CSMD1: variants seen among roughly 807,000 people sequenced by gnomAD.
CSMD1 encodes CUB and sushi domain-containing protein 1.
A neutral mutation model predicts 417.5 loss-of-function variants in CSMD1; 213 were observed. That is an observed-to-expected ratio of 0.51 (90% CI 0.46 to 0.57). The LOEUF is 0.57. CSMD1 is among the 20% of genes least tolerant of loss of function. The pLI is 0.00. For missense variants in CSMD1, 6,923 were observed against 4,529.7 expected, an observed-to-expected ratio of 1.53 and a Z score of -15.17; for synonymous variants, 2,862 against 1,736.8, an observed-to-expected ratio of 1.65 and a Z score of -16.11.
chr8:3,397,623 G>C (rs1423550650), intron 16 of CSMD1, among the ~76,000 whole-genome samples: 1 of 152,174 alleles, frequency 6.6e-6, no homozygotes, highest in African/African-American at 2.4e-5. Context: ...TCTTAAAACT[G>C]ATTTCTCAGT....
chr8:4,109,947 G>A (rs1207347406), intron 3 of CSMD1, among the ~76,000 whole-genome samples: 2 of 152,092 alleles, frequency 1.3e-5, no homozygotes, highest in African/African-American at 2.4e-5. Context: ...TGACAATTTG[G>A]TGAATAATAC....
intron 3 of CSMD1, among the ~76,000 whole-genome samples, chr8:4,084,610 G>C (rs118183405): frequency 6.6e-6 from 1 of 152,094 alleles, no homozygotes; most frequent in Non-Finnish European, 1.5e-5. Context: ...AAATGAAAGC[G>C]AGCCTTCCAG....
At chr8:3,525,821 G>T (rs1464047154) in intron 10 of CSMD1, among the ~76,000 whole-genome samples, 1 of 151,908 alleles carries the variant, frequency 6.6e-6, no homozygotes, top group Non-Finnish European at 1.5e-5. Flanking sequence ...GTTGACACAC[G>T]GAAAAAATCA....
At chr8:4,306,858 AAT>A (rs1447275523) in intron 3 of CSMD1, among the ~76,000 whole-genome samples, 5 of 151,230 alleles carry the variant, frequency 3.3e-5, no homozygotes, top group African/African-American at 2.4e-5. Context: ...ATAATTTTTC[AAT>A]CTCTTTTTGC....
chr8:3,445,533 C>T (rs965143472), intron 12 of CSMD1, among the ~76,000 whole-genome samples: 5 of 152,056 alleles, frequency 3.3e-5, no homozygotes, highest in African/African-American at 9.7e-5. Flanking sequence ...TTTCATTACA[C>T]ATTTTTTTTT....
At chr8:4,571,625 T>G (rs1420333364) in intron 2 of CSMD1, among the ~76,000 whole-genome samples, 1 of 152,220 alleles carries the variant, frequency 6.6e-6, no homozygotes, top group African/African-American at 2.4e-5. Context: ...TCTGTTAATT[T>G]CGGGTGGACA....
intron 3 of CSMD1, among the ~76,000 whole-genome samples, chr8:4,072,563 A>G (rs1012512765): frequency 5.9e-5 from 9 of 152,180 alleles, no homozygotes; most frequent in Admixed American, 1.3e-4. Flanking sequence ...ATATTTTCAT[A>G]TATATAAGAA....
intron 1 of CSMD1, among the ~76,000 whole-genome samples, chr8:4,849,954 CTT>C (rs1801371195): frequency 6.6e-6 from 1 of 152,186 alleles, no homozygotes; most frequent in Non-Finnish European, 1.5e-5. Flanking sequence ...TTACCAGACT[CTT>C]TGCTAATGTG....
At chr8:3,684,658 C>T (rs1197497603) in intron 7 of CSMD1, among the ~76,000 whole-genome samples, 1 of 146,610 alleles carries the variant, frequency 6.8e-6, no homozygotes, top group Non-Finnish European at 1.5e-5. Context: ...AGTGCAGTGG[C>T]GCTATCTCCG....
chr8:4,091,497 T>C (rs1019222520), intron 3 of CSMD1, among the ~76,000 whole-genome samples: 14 of 152,234 alleles, frequency 9.2e-5, no homozygotes, highest in African/African-American at 2.4e-4. Context: ...TTTACTTATA[T>C]GCTGCATTGC....
intron 3 of CSMD1, among the ~76,000 whole-genome samples, chr8:4,392,082 G>C (rs372031132): frequency 6.6e-6 from 1 of 152,214 alleles, no homozygotes; most frequent in Non-Finnish European, 1.5e-5. Flanking sequence ...GTCTGCAGCT[G>C]CATGAGTGTC....
chr8:4,437,456 CAA>C (rs1248844662), intron 2 of CSMD1, among the ~76,000 whole-genome samples: 1 of 152,120 alleles, frequency 6.6e-6, no homozygotes, highest in African/African-American at 2.4e-5. Flanking sequence ...AAACATTCAC[CAA>C]AAGTTAATTA....
intron 25 of CSMD1, among the ~76,000 whole-genome samples, chr8:3,296,497 T>C (rs188605854): frequency 6.6e-6 from 1 of 152,206 alleles, no homozygotes; most frequent in East Asian, 1.9e-4. Context: ...TTAAGGATGA[T>C]ATACCAAGGC....
chr8:3,339,926 G>C (rs944031442), intron 23 of CSMD1, among the ~76,000 whole-genome samples: 1 of 152,272 alleles, frequency 6.6e-6, no homozygotes, highest in Non-Finnish European at 1.5e-5. Context: ...GTTTTCTAAC[G>C]AAGGTACACT....
At chr8:3,732,392 G>C (rs1036316571) in intron 6 of CSMD1, among the ~76,000 whole-genome samples, 3 of 152,094 alleles carry the variant, frequency 2.0e-5, no homozygotes, top group Admixed American at 2.0e-4. Flanking sequence ...ACTTTTTCTA[G>C]CTGTACCCTT....
chr8:3,840,437 G>C (rs996085651), intron 5 of CSMD1, among the ~76,000 whole-genome samples: 2 of 152,118 alleles, frequency 1.3e-5, no homozygotes, highest in Non-Finnish European at 2.9e-5. Context: ...TATTGTGTTA[G>C]TAGCAAGAGT....
chr8:4,247,720 G>A (rs955943558), intron 3 of CSMD1, among the ~76,000 whole-genome samples: 12 of 152,110 alleles, frequency 7.9e-5, no homozygotes, highest in Middle Eastern at 3.4e-3. Flanking sequence ...ATACTATAAC[G>A]CCCTTTTGAA....
At chr8:3,478,052 T>G (rs1162060012) in intron 11 of CSMD1, among the ~76,000 whole-genome samples, 1 of 152,198 alleles carries the variant, frequency 6.6e-6, no homozygotes, top group Non-Finnish European at 1.5e-5. Context: ...ATTTCCCCAC[T>G]GGCATCAACA....
chr8:4,382,058 G>T (rs1803140257), intron 3 of CSMD1, among the ~76,000 whole-genome samples: 2 of 152,200 alleles, frequency 1.3e-5, no homozygotes, highest in Non-Finnish European at 2.9e-5. Context: ...ACCAGAACTG[G>T]GACTCTCAGC....
Sources: gnomAD v4.1 joint callset for allele counts (sites outside exome capture counted in the v4.1 genomes callset) on GRCh38, gnomAD v4.1.1 for gene constraint, MANE v1.5 for transcripts, NCBI Gene and HGNC (gene_info 2026-07-23, HGNC 2026-07-21) for gene names.